Variants in NECAB3 observed in about 807,000 individuals in gnomAD.
NECAB3 encodes N-terminal EF-hand calcium binding protein 3.
NECAB3 carries 38 observed loss-of-function variants against 57.2 expected under a neutral mutation model. That is an observed-to-expected ratio of 0.66 (90% confidence interval 0.51 to 0.87). The LOEUF is 0.87. Ranked by LOEUF, NECAB3 falls within the 40% of genes least tolerant of loss-of-function variation. The pLI is 0.00. For synonymous variants in NECAB3, 223 were observed against 222.6 expected, an observed-to-expected ratio of 1.00 and a Z score of -0.02; for missense variants, 474 against 527.5, an observed-to-expected ratio of 0.90 and a Z score of 0.99.
rs751747208 is a variant in NECAB3 at position 33,657,931 on chromosome 20, C to A, written c.1162+11G>T. 4 of 1,553,334 alleles carry A rather than the reference C, an allele frequency of 2.6e-6. No individual in the cohort carries two copies. The highest frequency in any genetic ancestry group is 1.7e-4 in the Middle Eastern group (1 of 5,948). On this transcript the variant is annotated intron_variant, in intron 11 of 11. Transcript: ENST00000246190. ...CTCCAGGGCCACAGTGAGTGGGGGT[C>A]CACCGCATACCTGGGAAGAACACAG...
intron 2 of NECAB3, 69 bp from the exon 3 acceptor site, chr20:33,670,861 G>C: frequency 8.6e-7 from 1 of 1,159,072 alleles, no homozygotes; most frequent in East Asian, 2.4e-5. Context: ...CCTGCCACCA[G>C]GTCCAGGGTC....
At chr20:33,674,498 G>C (rs1380285525), upstream of NECAB3, 1 of 761,066 alleles carries the variant, frequency 1.3e-6, no homozygotes. Context: ...GCGGACGCCG[G>C]GTTCCCTCGC....
intron 5 of NECAB3, chr20:33,663,505 C>T: frequency 6.3e-7 from 1 of 1,597,566 alleles, no homozygotes; most frequent in East Asian, 2.3e-5. Flanking sequence ...CGCGCTCTCC[C>T]GCCTCACGCC....
At chr20:33,663,865 T>C in intron 5 of NECAB3, 1 of 1,395,944 alleles carries the variant, frequency 7.2e-7, no homozygotes, top group Non-Finnish European at 9.2e-7. Context: ...CCCGCAGCTT[T>C]AAACGCTTGG....
chr20:33,659,144 C>T (rs750006017), intron 8 of NECAB3, among the ~76,000 whole-genome samples: 5 of 152,288 alleles, frequency 3.3e-5, no homozygotes, highest in Admixed American at 6.5e-5. Flanking sequence ...GGGTTCCTGC[C>T]GCCAACCTGC....
At chr20:33,667,658 G>A (rs1407145925) in intron 5 of NECAB3, 4 of 1,610,250 alleles carry the variant, frequency 2.5e-6, no homozygotes, top group African/African-American at 2.7e-5. Context: ...ACCCTGTCGC[G>A]CTACCTGCGG....
rs774276780 is a variant in NECAB3 at position 33,659,521 on chromosome 20, C to G, written c.855G>C (p.Glu285Asp). ...QAPRLEPLREEDLAKGPDLHI... is the reference protein window; with the variant it reads ...QAPRLEPLREDDLAKGPDLHI... ...CCAAGTCAGGCCCCTTGGCCAGGTC[C>G]TCTTCACGCAGGGGTTCCAGCCGGG... is the stretch of plus-strand genomic sequence containing the variant. The change falls in exon 8 of 12, where the codon GAG (glutamate) becomes GAC (aspartate). Residue 285 changes from glutamate to aspartate, a missense_variant. Transcript: ENST00000246190. 18 of 1,516,850 alleles carry G rather than the reference C, an allele frequency of 1.2e-5. No homozygotes were observed. The Admixed American group carries it at 3.9e-4, about 33-fold the overall frequency. 94.0% of individuals were successfully genotyped at this position (1,516,850 alleles called of 1,614,324 possible). A position where few individuals can be genotyped will look rare whatever the true frequency, so the allele number is the denominator to read the frequency against.
intron 1 of NECAB3, among the ~76,000 whole-genome samples, chr20:33,672,658 G>T (rs1270189168): frequency 6.6e-6 from 1 of 152,188 alleles, no homozygotes; most frequent in Non-Finnish European, 1.5e-5. Context: ...TGCAGGGCCT[G>T]GCCTCGTGGG....
At position 33,657,529 on chromosome 20, in the gene NECAB3, C is replaced by G; in HGVS notation, c.*300G>C. The G allele has an allele frequency of 2.7e-6, 1 of 366,422 alleles. No individual in the cohort carries two copies. Among genetic ancestry groups the G allele is most frequent in the Non-Finnish European group, 4.6e-6 (1 of 217,766 alleles). 22.7% of individuals were successfully genotyped at this position (366,422 alleles called of 1,614,324 possible). A position where few individuals can be genotyped will look rare whatever the true frequency, so the allele number is the denominator to read the frequency against. ...AGGCCCACCCAGACAGGGACGGGAC[C>G]TGCCCTGGGTCGCTCAGCCAGGCAG... is the stretch of plus-strand genomic sequence containing the variant. On this transcript the variant is annotated 3_prime_UTR_variant, in exon 12 of 12. Transcript: ENST00000246190.
rs1417138489 is a variant in NECAB3 at position 33,670,746 on chromosome 20, A to G, written c.201T>C (p.Asp67=). ...GCAGCTCCCCCAGGCTGAGAACCCCATCGGCAAAGTAATTCTGGAATTCCT... is the reference window on the plus strand; with the variant it reads ...GCAGCTCCCCCAGGCTGAGAACCCCGTCGGCAAAGTAATTCTGGAATTCCT... ...SFEEFQNYFA[D]GVLSLGELQE... is the part of the protein sequence containing the mutation. Residue 67 remains aspartate, a synonymous_variant, in exon 3 of 12, where the codon GAT becomes GAC. Transcript: ENST00000246190. The G allele has an allele frequency of 1.2e-6, 2 of 1,614,106 alleles. No homozygotes were observed. Among genetic ancestry groups the G allele is most frequent in the Admixed American group, 1.7e-5 (1 of 60,012 alleles).
rs1186799673 is a variant in NECAB3, at chr20:33,657,641, G to C, written c.*188C>G. ...CTGAAGTGACAAACAATAAAATACA[G>C]GGATAAATAAATCAATAATAAATAG... On this transcript the variant is annotated 3_prime_UTR_variant, in exon 12 of 12. Coordinates refer to ENST00000246190, the MANE Select transcript of NECAB3 (RefSeq NM_031232.4). The C allele has an allele frequency of 1.7e-6, 1 of 580,482 alleles. No individual in the cohort carries two copies. Among genetic ancestry groups the C allele is most frequent in the African/African-American group, 1.9e-5 (1 of 52,760 alleles). 36.0% of individuals were successfully genotyped at this position (580,482 alleles called of 1,614,324 possible).
At chr20:33,667,529 C>T (rs61743634) in intron 5 of NECAB3, 3 of 1,539,994 alleles carry the variant, frequency 1.9e-6, no homozygotes, top group Non-Finnish European at 2.6e-6. Flanking sequence ...GCGCTCTGCT[C>T]CACCGGCGCG....
chr20:33,660,401 G>A lies in NECAB3; in HGVS notation c.388-6C>T, dbSNP rs141374954. ...TTGGAGGCCCTCTCGTACTCCTGTG[G>A]GCCAAGGAGGGACGGTCAGCATCTC... On this transcript the variant is annotated splice_region_variant and splice_polypyrimidine_tract_variant and intron_variant, in intron 5 of 11. Coordinates refer to ENST00000246190, the MANE Select transcript of NECAB3 (RefSeq NM_031232.4). The surrounding 1 kb of genome is among the most constrained non-coding windows in gnomAD (Gnocchi z 4.1). 1,363 of 1,612,264 alleles carry A rather than the reference G, an allele frequency of 8.5e-4. 15 individuals carry two copies. The African/African-American group carries it at 0.017, about 20-fold the overall frequency.
intron 3 of NECAB3, chr20:33,670,361 T>C: frequency 6.5e-6 from 2 of 306,256 alleles, no homozygotes; most frequent in Non-Finnish European, 6.1e-6. Context: ...TGCGTGTTTA[T>C]GCACTGCATT....
chr20:33,666,050 G>A (rs974989923), intron 5 of NECAB3, among the ~76,000 whole-genome samples: 1 of 152,146 alleles, frequency 6.6e-6, no homozygotes, highest in Non-Finnish European at 1.5e-5. Flanking sequence ...AACGCTGCAC[G>A]CCCAGCCTGG....
At position 33,660,061 on chromosome 20, in the gene NECAB3, G is replaced by A. The variant is rs746407440; in HGVS notation, c.525-58C>T. ...TGGGGCCCCAGGACGGGATAAGCCT[G>A]GGTGGGGAAGACAAGCCTCCTGGGA... On this transcript the variant is annotated intron_variant, in intron 6 of 11. Transcript: ENST00000246190. The surrounding 1 kb of genome is among the most constrained non-coding windows in gnomAD (Gnocchi z 4.1). 1 of 1,537,328 alleles carries A rather than the reference G, an allele frequency of 6.5e-7. No homozygotes were observed. Among genetic ancestry groups the A allele is most frequent in the Non-Finnish European group, 8.8e-7 (1 of 1,141,736 alleles).
intron 5 of NECAB3, chr20:33,663,863 TTTAAACGCTTGGCCCGG>T: frequency 1.4e-6 from 2 of 1,395,390 alleles, no homozygotes; most frequent in South Asian, 1.6e-5. Flanking sequence ...CGCCCGCAGC[TTTAAACGCTTGGCCCGG>T]ACCCCGCCCA....
At chr20:33,666,095 A>T (rs909344836) in intron 5 of NECAB3, among the ~76,000 whole-genome samples, 2 of 151,944 alleles carry the variant, frequency 1.3e-5, no homozygotes, top group African/African-American at 2.4e-5. Context: ...TAATAATAAT[A>T]AAAAAAAGAA....
rs757124041 is a variant in NECAB3 at position 33,657,356 on chromosome 20, C to CTCA, written c.*470_*472dup. ...CCTGGGAGGGCGACGGGGCACCCAG[C>CTCA]TCAGGCCCAGCCTCGGAGGCAAGGT... On this transcript the variant is annotated 3_prime_UTR_variant, in exon 12 of 12. Coordinates refer to ENST00000246190, the MANE Select transcript of NECAB3 (RefSeq NM_031232.4). The CTCA allele has an allele frequency of 2.3e-4, 38 of 165,854 alleles. No individual in the cohort carries two copies. The Middle Eastern group carries it at 8.2e-3, about 36-fold the overall frequency. 10.3% of individuals were successfully genotyped at this position (165,854 alleles called of 1,614,324 possible). A position where few individuals can be genotyped will look rare whatever the true frequency, so the allele number is the denominator to read the frequency against.
Sources: allele counts gnomAD v4.1 joint callset (sites outside exome capture counted in the v4.1 genomes callset), GRCh38; gene constraint gnomAD v4.1.1; non-coding constraint Gnocchi (gnomAD v3.1); transcripts MANE v1.5; gene names NCBI Gene and HGNC (gene_info 2026-07-23, HGNC 2026-07-21).